KCNT2: variants seen among roughly 807,000 people sequenced by gnomAD.
The protein encoded by KCNT2 is potassium channel subfamily T member 2.
Under a neutral mutation model 153.8 loss-of-function variants are expected in KCNT2, and 67 were observed. The observed-to-expected ratio is 0.44, with a 90% CI of 0.36 to 0.53. The LOEUF (loss-of-function observed/expected upper bound fraction) is 0.53, where lower values mean the gene tolerates loss of function less well. KCNT2 is among the 20% of genes least tolerant of loss of function. The pLI is 0.00. For missense variants in KCNT2, 975 were observed against 1,354.8 expected, an observed-to-expected ratio of 0.72 and a Z score of 4.40; for synonymous variants, 500 against 458.8, an observed-to-expected ratio of 1.09 and a Z score of -1.15.
intron 5 of KCNT2, among the ~76,000 whole-genome samples, chr1:196,471,378 T>G (rs1272772974): frequency 6.6e-6 from 1 of 152,180 alleles, no homozygotes; most frequent in African/African-American, 2.4e-5. Flanking sequence ...TCAGGACTAT[T>G]TAACAAAAGA....
chr1:196,431,199 A>G (rs1220237461), intron 8 of KCNT2, among the ~76,000 whole-genome samples: 2 of 152,136 alleles, frequency 1.3e-5, no homozygotes, highest in East Asian at 3.9e-4. Context: ...TTCTGTTCAT[A>G]AATTACCCAG....
At chr1:196,553,220 T>A (rs1215842490) in intron 1 of KCNT2, among the ~76,000 whole-genome samples, 1 of 150,980 alleles carries the variant, frequency 6.6e-6, no homozygotes, top group Non-Finnish European at 1.5e-5. Context: ...ATATTCCATG[T>A]CAAGAGAAAT....
chr1:196,441,830 T>C (rs905963636), intron 8 of KCNT2, among the ~76,000 whole-genome samples: 5 of 151,838 alleles, frequency 3.3e-5, no homozygotes, highest in African/African-American at 1.2e-4. Flanking sequence ...TCATGTGCTG[T>C]ACAAAGTATC....
chr1:196,253,950 A>G (rs545975509), intron 26 of KCNT2, among the ~76,000 whole-genome samples: 2 of 151,672 alleles, frequency 1.3e-5, no homozygotes, highest in Non-Finnish European at 3.0e-5. Flanking sequence ...AAATATATGT[A>G]TAAGTGCAAT....
In KCNT2 at chr1:196,546,849, G is replaced by A. The variant is rs1055105960; in HGVS notation, c.96-54508C>T. Among the ~76,000 whole-genome samples, 7 of 152,068 alleles carry A rather than the reference G, an allele frequency of 4.6e-5. No homozygotes were observed. In the South Asian group the frequency reaches 6.2e-4, roughly 14 times the overall value. ...ATCAGCAACTTAAGGCACAATGTAC[G>A]TCATGGAACATTGATTGCAAAACTA... On this transcript the variant is annotated intron_variant, in intron 1 of 27. Coordinates refer to ENST00000294725, the MANE Select transcript of KCNT2 (RefSeq NM_198503.5).
At chr1:196,408,299 C>A (rs1413961625) in intron 12 of KCNT2, among the ~76,000 whole-genome samples, 1 of 151,500 alleles carries the variant, frequency 6.6e-6, no homozygotes, top group Non-Finnish European at 1.5e-5. Flanking sequence ...CTATTATTTT[C>A]TTTCATGATC....
At chr1:196,487,409 A>AGTGTGTGTGTGCGT (rs1553236223) in intron 3 of KCNT2, among the ~76,000 whole-genome samples, 1 of 146,436 alleles carries the variant, frequency 6.8e-6, no homozygotes, top group Non-Finnish European at 1.5e-5. Flanking sequence ...CATGTTATGG[A>AGTGTGTGTGTGCGT]GTGTGTGTGT....
chr1:196,355,688 A>C (rs754962362), intron 14 of KCNT2, among the ~76,000 whole-genome samples: 6 of 151,744 alleles, frequency 4.0e-5, no homozygotes, highest in Non-Finnish European at 5.9e-5. Context: ...ACCACACACA[A>C]AAAATACCCT....
At chr1:196,412,487 T>C (rs1672420219) in intron 12 of KCNT2, among the ~76,000 whole-genome samples, 1 of 151,664 alleles carries the variant, frequency 6.6e-6, no homozygotes. Flanking sequence ...TATAAAATAC[T>C]ATGTGCAATT....
In KCNT2 at chr1:196,411,633, G is replaced by A. The variant is rs117421386; in HGVS notation, c.1185+11417C>T. On this transcript the variant is annotated intron_variant, in intron 12 of 27. Transcript: ENST00000294725. ...ATTCTAAGTATTTTATTCTTTTTGA[G>A]GGCTATGGTAAAAGAGTTATTTTCT... 1.8e-3 allele frequency among the ~76,000 whole-genome samples: 268 copies of A among 151,618 alleles called. 6 individuals carry two copies. In the East Asian group the frequency reaches 0.049, roughly 28 times the overall value.
chr1:196,494,830 G>A (rs551080904), intron 1 of KCNT2, among the ~76,000 whole-genome samples: 1 of 152,248 alleles, frequency 6.6e-6, no homozygotes, highest in South Asian at 2.1e-4. Flanking sequence ...GACACATAAT[G>A]TGATTCTCTA....
chr1:196,561,757 T>C (rs1328113907), intron 1 of KCNT2, among the ~76,000 whole-genome samples: 2 of 150,436 alleles, frequency 1.3e-5, no homozygotes, highest in Non-Finnish European at 3.0e-5. Context: ...TCCAAAGCGG[T>C]TGGGATACAG....
intron 14 of KCNT2, among the ~76,000 whole-genome samples, chr1:196,364,703 T>A (rs1667896294): frequency 6.6e-6 from 1 of 152,114 alleles, no homozygotes; most frequent in Non-Finnish European, 1.5e-5. Context: ...GTATTCTGTT[T>A]TTCTTTTCTA....
At chr1:196,599,996 G>A (rs573159622) in intron 1 of KCNT2, among the ~76,000 whole-genome samples, 7 of 151,812 alleles carry the variant, frequency 4.6e-5, no homozygotes, top group East Asian at 1.9e-4. Context: ...TTTCATTTAC[G>A]TTAATGATTT....
chr1:196,292,896 A>C (rs1292322016), intron 22 of KCNT2, among the ~76,000 whole-genome samples: 4 of 152,068 alleles, frequency 2.6e-5, no homozygotes, highest in Non-Finnish European at 4.4e-5. Flanking sequence ...TGAAACCTTA[A>C]CTACTCCACC....
chr1:196,480,841 G>C (rs950036400), intron 4 of KCNT2, among the ~76,000 whole-genome samples: 4 of 99,330 alleles, frequency 4.0e-5, no homozygotes, highest in Non-Finnish European at 5.3e-5. Context: ...GGGCGACAGA[G>C]AGAGACTTCG....
At chr1:196,474,223 TA>T (rs1279734545) in intron 5 of KCNT2, among the ~76,000 whole-genome samples, 1 of 152,170 alleles carries the variant, frequency 6.6e-6, no homozygotes, top group Non-Finnish European at 1.5e-5. Flanking sequence ...TGTGCAACCC[TA>T]AAGAGCACTT....
At chr1:196,549,515 C>T (rs772854610) in intron 1 of KCNT2, among the ~76,000 whole-genome samples, 1 of 151,860 alleles carries the variant, frequency 6.6e-6, no homozygotes, top group South Asian at 2.1e-4. Flanking sequence ...CACATTTCAT[C>T]TCTGGTCGGC....
intron 1 of KCNT2, among the ~76,000 whole-genome samples, chr1:196,567,908 G>T (rs980402727): frequency 1.3e-5 from 2 of 152,124 alleles, no homozygotes; most frequent in Non-Finnish European, 2.9e-5. Flanking sequence ...TTAGCATTAG[G>T]TTTCAATTTA....
Sources: gnomAD v4.1 joint callset for allele counts (sites outside exome capture counted in the v4.1 genomes callset) on GRCh38, gnomAD v4.1.1 for gene constraint, MANE v1.5 for transcripts, NCBI Gene and HGNC (gene_info 2026-07-23, HGNC 2026-07-21) for gene names.